The following TAFA5 variants were observed in gnomAD, a reference collection of about 807,000 sequenced individuals.
TAFA5 encodes the protein TAFA chemokine like family member 5.
TAFA5 carries 6 observed loss-of-function variants against 15.3 expected under a neutral mutation model. The observed-to-expected ratio is 0.39, with a 90% CI of 0.21 to 0.77. TAFA5 has a LOEUF of 0.77. Among genes scored for constraint, TAFA5 ranks in the 30% least tolerant of loss-of-function variants. The probability of loss-of-function intolerance (pLI) is 0.41; values close to 1 mark genes in which losing one functional copy is unlikely to be tolerated. For missense variants in TAFA5, 161 were observed against 193.1 expected (o/e 0.83, Z 0.98); for synonymous variants, 103 against 80.7 (o/e 1.28, Z -1.48).
chr22:48,561,889 C>G (rs901201518), intron 1 of TAFA5, among the ~76,000 whole-genome samples: 21 of 152,238 alleles, frequency 1.4e-4, no homozygotes, highest in African/African-American at 5.1e-4. Flanking sequence ...GACGCGGGAT[C>G]AGAGTCCTTT....
At chr22:48,549,499 T>C (rs1922788760) in intron 1 of TAFA5, among the ~76,000 whole-genome samples, 1 of 152,224 alleles carries the variant, frequency 6.6e-6, no homozygotes, top group Non-Finnish European at 1.5e-5. Context: ...ATTTAAATCT[T>C]ATTCATGGTA....
At chr22:48,589,608 A>C (rs1924487160) in intron 1 of TAFA5, among the ~76,000 whole-genome samples, 1 of 152,204 alleles carries the variant, frequency 6.6e-6, no homozygotes, top group Non-Finnish European at 1.5e-5. Flanking sequence ...TTGCAGATGT[A>C]GTTAAGGTCA....
Position 48,513,082 on chromosome 22 carries a change from G to A in TAFA5, c.112+23378G>A, listed in dbSNP as rs568655135. 9.3e-4 allele frequency among the ~76,000 whole-genome samples: 142 copies of A among 152,300 alleles called. 1 individual carries two copies. The South Asian group carries it at 0.02, about 21-fold the overall frequency. ...ATCACTCTGACACAGCCACTCTGGG[G>A]TGCGTTTCTTCCCAGGCACAGGCCT... is the stretch of plus-strand genomic sequence containing the variant. On this transcript the variant is annotated intron_variant, in intron 1 of 3. Transcript: ENST00000402357.
intron 2 of TAFA5, among the ~76,000 whole-genome samples, chr22:48,654,014 G>A (rs1364741259): frequency 6.6e-6 from 1 of 152,162 alleles, no homozygotes; most frequent in Non-Finnish European, 1.5e-5. Context: ...CGGCGGCTCT[G>A]GAGGGAAGGG....
At chr22:48,539,091 G>A in intron 1 of TAFA5, 1 of 260,730 alleles carries the variant, frequency 3.8e-6, no homozygotes, top group South Asian at 4.7e-5. Flanking sequence ...TTCCAGCTCC[G>A]AGCTGCTGGC....
intron 2 of TAFA5, among the ~76,000 whole-genome samples, chr22:48,653,979 C>G (rs1222516838): frequency 6.6e-6 from 1 of 152,132 alleles, no homozygotes; most frequent in Admixed American, 6.5e-5. Context: ...GTGCCCGAGC[C>G]TCTCCGTGTC....
At chr22:48,647,366 C>A (rs1321053291) in intron 2 of TAFA5, among the ~76,000 whole-genome samples, 1 of 152,102 alleles carries the variant, frequency 6.6e-6, no homozygotes, top group Non-Finnish European at 1.5e-5. Context: ...AGGGCACCTG[C>A]TATGAGGTGA....
chr22:48,555,654 G>A (rs968167783), intron 1 of TAFA5, among the ~76,000 whole-genome samples: 6 of 152,220 alleles, frequency 3.9e-5, no homozygotes, highest in African/African-American at 9.6e-5. Context: ...CGGGCACCCC[G>A]TGGTCTGTGG....
chr22:48,549,237 G>GT, intron 1 of TAFA5, among the ~76,000 whole-genome samples: 1 of 152,258 alleles, frequency 6.6e-6, no homozygotes, highest in African/African-American at 2.4e-5. Flanking sequence ...GTAGTCTGCA[G>GT]TGTGTAGACA....
chr22:48,527,457 C>T (rs759173807), intron 1 of TAFA5, among the ~76,000 whole-genome samples: 7 of 152,202 alleles, frequency 4.6e-5, no homozygotes, highest in African/African-American at 9.6e-5. Context: ...GACAGTGAGG[C>T]GGACTCCTGA....
rs73890904 is a variant in TAFA5 at position 48,566,816 on chromosome 22, A to G, written c.112+77112A>G. Among the ~76,000 whole-genome samples, 1,882 of 152,304 alleles carry G rather than the reference A, an allele frequency of 0.012. 45 individuals carry two copies. Among genetic ancestry groups the G allele is most frequent in the African/African-American group, 0.043 (1,789 of 41,564 alleles). ...TGTGTCCTCCTTGGAAGCATTTTTC[A>G]AAGCCCTGGGTCCATGCAGCCCTTG... On this transcript the variant is annotated intron_variant, in intron 1 of 3. Coordinates refer to ENST00000402357, the MANE Select transcript of TAFA5 (RefSeq NM_001082967.3). This position sits in a 1 kb window ranked among gnomAD's most constrained non-coding sequence, Gnocchi z 4.5.
chr22:48,551,287 G>T (rs967782351), intron 1 of TAFA5, among the ~76,000 whole-genome samples: 1 of 152,118 alleles, frequency 6.6e-6, no homozygotes, highest in Non-Finnish European at 1.5e-5. Flanking sequence ...TCTGAGCTCG[G>T]GGAGGAAAAC....
chr22:48,546,333 G>C (rs1922667482), intron 1 of TAFA5, among the ~76,000 whole-genome samples: 1 of 152,220 alleles, frequency 6.6e-6, no homozygotes, highest in Non-Finnish European at 1.5e-5. Flanking sequence ...CCCAGGGCAA[G>C]GTGGCCTGAG....
chr22:48,604,467 A>C (rs35666599), intron 1 of TAFA5, among the ~76,000 whole-genome samples: 24,644 of 152,100 alleles, frequency 0.16, 2,493 homozygotes, highest in African/African-American at 0.28. Context: ...CCCAGCAGGG[A>C]CTTTGTGGGA....
chr22:48,696,458 C>T (rs893701517), intron 2 of TAFA5, among the ~76,000 whole-genome samples: 43 of 152,174 alleles, frequency 2.8e-4, no homozygotes, highest in Non-Finnish European at 5.0e-4. Context: ...CCCCTGAGTG[C>T]CCTGCCCAGG....
At chr22:48,559,096 C>T (rs2147131025) in intron 1 of TAFA5, among the ~76,000 whole-genome samples, 1 of 152,322 alleles carries the variant, frequency 6.6e-6, no homozygotes, top group Admixed American at 6.5e-5. Context: ...ATGAGGGACA[C>T]AGTGCCGAGG....
At chr22:48,697,169 C>T (rs1928737431) in intron 2 of TAFA5, among the ~76,000 whole-genome samples, 1 of 152,186 alleles carries the variant, frequency 6.6e-6, no homozygotes, top group Admixed American at 6.5e-5. Context: ...TTAGGGCTTG[C>T]TTTATTATCC....
chr22:48,730,080 A>T (rs1929827019), intron 3 of TAFA5, among the ~76,000 whole-genome samples: 1 of 152,152 alleles, frequency 6.6e-6, no homozygotes, highest in Non-Finnish European at 1.5e-5. Flanking sequence ...CTGAATTCTG[A>T]GTCCTTTAAA....
intron 3 of TAFA5, among the ~76,000 whole-genome samples, chr22:48,748,921 C>T (rs1008186718): frequency 6.6e-6 from 1 of 152,132 alleles, no homozygotes; most frequent in Admixed American, 6.5e-5. Context: ...TCAGCAGGGC[C>T]AGGGTCCCAT....
Sources: gnomAD v4.1 joint callset for allele counts (sites outside exome capture counted in the v4.1 genomes callset) on GRCh38, gnomAD v4.1.1 for gene constraint, Gnocchi (gnomAD v3.1) non-coding constraint, MANE v1.5 for transcripts, NCBI Gene and HGNC (gene_info 2026-07-23, HGNC 2026-07-21) for gene names.